The following PLB1 variants were observed in gnomAD, a reference collection of about 807,000 sequenced individuals.
The protein encoded by PLB1 is phospholipase B1.
In PLB1, 242 loss-of-function variants were observed where a neutral mutation model predicts 227.4. That is an observed-to-expected ratio of 1.06 (90% CI 0.96 to 1.18). The LOEUF is 1.18. Among genes scored for constraint, PLB1 ranks in the 50% most tolerant of loss-of-function variants. PLB1 has a pLI of 0.00. For missense variants in PLB1, 1,858 were observed against 1,816.3 expected (o/e 1.02, Z -0.42); for synonymous variants, 757 against 682.2 (o/e 1.11, Z -1.71).
chr2:28,557,622 G>A lies in PLB1; in HGVS notation c.1147+4631G>A, dbSNP rs58720993. On this transcript the variant is annotated intron_variant, in intron 17 of 57. Coordinates refer to ENST00000327757, the MANE Select transcript of PLB1 (RefSeq NM_153021.5). ...ATTTCCTTGCTATTTGTGATGCTTC[G>A]TCATGGCTTGGATGGCCTTCTGATA... Among the ~76,000 whole-genome samples, 1,043 of 152,236 alleles carry A rather than the reference G, an allele frequency of 6.9e-3. 16 individuals are homozygous for A. Among genetic ancestry groups the A allele is most frequent in the African/African-American group, 0.024 (977 of 41,518 alleles).
intron 22 of PLB1, 78 bp from the exon 23 acceptor site, chr2:28,579,549 T>C (rs1362931717): frequency 5.2e-6 from 6 of 1,160,658 alleles, no homozygotes; most frequent in Non-Finnish European, 6.5e-6. Context: ...CCATCTTTTC[T>C]AGTTTGCAAG....
At chr2:28,567,991 TAAC>T (rs1474170168) in intron 20 of PLB1, among the ~76,000 whole-genome samples, 1 of 152,218 alleles carries the variant, frequency 6.6e-6, no homozygotes, top group African/African-American at 2.4e-5. Flanking sequence ...ATTTAGAAGC[TAAC>T]AACTTGAAGC....
At chr2:28,638,536 G>T (rs67781050) in intron 56 of PLB1, among the ~76,000 whole-genome samples, 8,822 of 152,174 alleles carry the variant, frequency 0.058, 352 homozygotes, top group Non-Finnish European at 0.091. Context: ...GGAGGCTGCT[G>T]TTGATGGGTG....
In PLB1 at chr2:28,504,699, G is replaced by A. The variant is rs373895053; in HGVS notation, c.55+8530G>A. 3.9e-5 allele frequency among the ~76,000 whole-genome samples: 6 copies of A among 152,180 alleles called. No individual in the cohort carries two copies. In the South Asian group the frequency reaches 8.3e-4, roughly 21 times the overall value. On this transcript the variant is annotated intron_variant, in intron 1 of 57. Coordinates refer to ENST00000327757, the MANE Select transcript of PLB1 (RefSeq NM_153021.5). ...GGAGGTTGCAGTGAGCCGAGATTGG[G>A]CCACTACATTCCAGCCTGGGCAACA...
chr2:28,643,095 TAGCCACTCTCTTCACCGCCCTCTGCCCC>T lies in PLB1; in HGVS notation c.*43_*70del. ...GTGGGTCCTCACCCTAAACTCCCTA[TAGCCACTCTCTTCACCGCCCTCTGCCCC>T]AGCCACTCCCGGCCACCAGGACATG... On this transcript the variant is annotated 3_prime_UTR_variant, in exon 58 of 58. Coordinates refer to ENST00000327757, the MANE Select transcript of PLB1 (RefSeq NM_153021.5). 1 of 1,530,558 alleles carries T rather than the reference TAGCCACTCTCTTCACCGCCCTCTGCCCC, an allele frequency of 6.5e-7. No homozygotes were observed. The highest frequency in any genetic ancestry group is 8.8e-7 in the Non-Finnish European group (1 of 1,131,832). The allele number at this position is 1,530,558 out of a possible 1,614,324, so 94.8% of individuals were successfully genotyped here.
chr2:28,500,216 A>G (rs1666927749), intron 1 of PLB1, among the ~76,000 whole-genome samples: 1 of 152,214 alleles, frequency 6.6e-6, no homozygotes, highest in African/African-American at 2.4e-5. Flanking sequence ...CTTTTCATCA[A>G]GAATAGTTCT....
intron 21 of PLB1, 59 bp downstream of exon 21, chr2:28,573,364 C>A: frequency 7.4e-7 from 1 of 1,354,462 alleles, no homozygotes; most frequent in Non-Finnish European, 1.1e-6. Context: ...CAGGGGTGGG[C>A]TTGGCCTAAA....
intron 17 of PLB1, among the ~76,000 whole-genome samples, chr2:28,555,908 G>A (rs13412121): frequency 0.011 from 1,476 of 131,538 alleles, 19 homozygotes; most frequent in African/African-American, 0.041. Flanking sequence ...TCAGTCTGTC[G>A]CCCAGGCTGG....
chr2:28,628,713 A>C, intron 52 of PLB1, 85 bp downstream of exon 52: 60 of 1,347,036 alleles, frequency 4.5e-5, no homozygotes, highest in Non-Finnish European at 5.9e-5. Context: ...TGAGATGCTC[A>C]CGGAGCAGAG....
At chr2:28,536,509 TG>T (rs1318140133) in intron 9 of PLB1, among the ~76,000 whole-genome samples, 3 of 152,226 alleles carry the variant, frequency 2.0e-5, no homozygotes, top group Non-Finnish European at 4.4e-5. Flanking sequence ...GAGGGTACAC[TG>T]GTGTGTGATT....
intron 6 of PLB1, among the ~76,000 whole-genome samples, chr2:28,528,634 C>T (rs949343601): frequency 6.6e-6 from 1 of 152,238 alleles, no homozygotes; most frequent in Non-Finnish European, 1.5e-5. Context: ...AGACCCTGGG[C>T]AGCTCGCTTG....
chr2:28,631,574 G>A (rs779617983), intron 54 of PLB1, among the ~76,000 whole-genome samples: 5 of 152,176 alleles, frequency 3.3e-5, no homozygotes, highest in South Asian at 2.1e-4. Flanking sequence ...TCCAGCCACC[G>A]TGGACTCTCC....
At chr2:28,566,480 G>A (rs1222834997) in intron 19 of PLB1, 3 of 345,612 alleles carry the variant, frequency 8.7e-6, no homozygotes, top group Non-Finnish European at 1.6e-5. Context: ...TAGTTGGAAA[G>A]GGGCTGGCAG....
intron 22 of PLB1, 48 bp from the exon 23 acceptor site, chr2:28,579,579 C>G: frequency 2.0e-6 from 3 of 1,491,934 alleles, no homozygotes; most frequent in Non-Finnish European, 2.8e-6. Flanking sequence ...TTTTCCTTGA[C>G]TTGACTCTGG....
intron 16 of PLB1, 119 bp downstream of exon 16, chr2:28,550,203 C>T (rs1674008981): frequency 1.5e-6 from 1 of 672,776 alleles, no homozygotes; most frequent in South Asian, 1.9e-5. Flanking sequence ...GATGGAGTCT[C>T]ACTCTGTTGC....
intron 31 of PLB1, 77 bp downstream of exon 31, chr2:28,591,837 T>A (rs1682007334): frequency 7.1e-7 from 1 of 1,413,202 alleles, no homozygotes; most frequent in Admixed American, 1.7e-5. Context: ...CTGACCTGAC[T>A]TTCACACTCA....
At chr2:28,529,576 A>C (rs2148191716) in intron 7 of PLB1, 152 bp from the exon 8 acceptor site, 1 of 954,516 alleles carries the variant, frequency 1.0e-6, no homozygotes. Context: ...TGATGAGCCT[A>C]ATTTTGAAAA....
At chr2:28,505,956 C>G (rs780379836) in intron 1 of PLB1, among the ~76,000 whole-genome samples, 1 of 152,216 alleles carries the variant, frequency 6.6e-6, no homozygotes, top group Non-Finnish European at 1.5e-5. Flanking sequence ...CTCCAAATGT[C>G]TGCTTTGGAC....
At chr2:28,553,891 T>G (rs1408552254) in intron 17 of PLB1, among the ~76,000 whole-genome samples, 1 of 152,204 alleles carries the variant, frequency 6.6e-6, no homozygotes, top group African/African-American at 2.4e-5. Flanking sequence ...CTTCTGGGGA[T>G]GCAAATCTTT....
Sources: gnomAD v4.1 joint callset for allele counts (sites outside exome capture counted in the v4.1 genomes callset) on GRCh38, gnomAD v4.1.1 for gene constraint, MANE v1.5 for transcripts, NCBI Gene and HGNC (gene_info 2026-07-23, HGNC 2026-07-21) for gene names.